The following CNTN1 variants were observed in gnomAD, a reference collection of about 807,000 sequenced individuals.
CNTN1 encodes contactin 1, also known as contactin-1.
CNTN1 carries 38 observed loss-of-function variants against 126.4 expected under a neutral mutation model. That is an observed-to-expected ratio of 0.30 (90% CI 0.23 to 0.39). The LOEUF is 0.39. CNTN1 is among the 10% of genes least tolerant of loss of function. CNTN1 has a pLI of 1.00. For synonymous variants in CNTN1, 413 were observed against 422.6 expected, an observed-to-expected ratio of 0.98 and a Z score of 0.28; for missense variants, 1,009 against 1,248.4, an observed-to-expected ratio of 0.81 and a Z score of 2.89.
intron 23 of CNTN1, among the ~76,000 whole-genome samples, chr12:41,056,560 A>T (rs1326363962): frequency 1.3e-5 from 2 of 152,144 alleles, no homozygotes; most frequent in East Asian, 3.9e-4. Context: ...CAGAATAAAT[A>T]GTGAATGCCA....
At chr12:40,779,320 C>T (rs1423909156) in intron 1 of CNTN1, among the ~76,000 whole-genome samples, 16 of 151,828 alleles carry the variant, frequency 1.1e-4, no homozygotes, top group Non-Finnish European at 2.9e-5. Context: ...TGTGCTACTT[C>T]TCATTCTTAA....
intron 1 of CNTN1, among the ~76,000 whole-genome samples, chr12:40,875,041 G>C (rs974184057): frequency 6.6e-6 from 1 of 152,124 alleles, no homozygotes; most frequent in Non-Finnish European, 1.5e-5. Context: ...GTATATACAA[G>C]AGTGCTCTAG....
Position 41,062,710 on chromosome 12 carries a change from T to G in CNTN1, c.2981-7249T>G, listed in dbSNP as rs137877052. Among the ~76,000 whole-genome samples, 603 of 152,330 alleles carry G rather than the reference T, an allele frequency of 4.0e-3. 7 individuals carry two copies. Among genetic ancestry groups the G allele is most frequent in the African/African-American group, 0.014 (579 of 41,584 alleles). ...ATTCAAGGAAGTAAATGGGACTGCATGAATTTTTTAAAATTATCATTGTCA... is the reference window on the plus strand; with the variant it reads ...ATTCAAGGAAGTAAATGGGACTGCAGGAATTTTTTAAAATTATCATTGTCA... On this transcript the variant is annotated intron_variant, in intron 23 of 23. Coordinates refer to ENST00000551295, the MANE Select transcript of CNTN1 (RefSeq NM_001843.4).
intron 1 of CNTN1, among the ~76,000 whole-genome samples, chr12:40,747,201 GT>G (rs1938219256): frequency 1.3e-5 from 2 of 151,966 alleles, no homozygotes; most frequent in Admixed American, 6.6e-5. Context: ...TGGGTGCATA[GT>G]TTACAAATGA....
intron 16 of CNTN1, among the ~76,000 whole-genome samples, chr12:40,982,269 T>A (rs35068475): frequency 0.033 from 5,084 of 152,248 alleles, 109 homozygotes; most frequent in Middle Eastern, 0.11. Flanking sequence ...CTTGACAAAA[T>A]CAGATCATCT....
rs138894103 is a variant in CNTN1 at position 40,800,135 on chromosome 12, G to C, written c.-77+107543G>C. Among the ~76,000 whole-genome samples, 1,039 of 152,020 alleles carry C rather than the reference G, an allele frequency of 6.8e-3. 11 individuals carry two copies. The highest frequency in any genetic ancestry group is 0.01 in the Non-Finnish European group (699 of 67,928). ...GGGTGGGACCAGGTGGAGGTAATTG[G>C]ATCATGGGGGTGGTTTTCCTCATGC... On this transcript the variant is annotated intron_variant, in intron 1 of 23. Transcript: ENST00000551295.
At chr12:40,876,559 A>ATT (rs1353943499) in intron 1 of CNTN1, among the ~76,000 whole-genome samples, 2 of 152,118 alleles carry the variant, frequency 1.3e-5, no homozygotes, top group African/African-American at 4.8e-5. Flanking sequence ...TTTTTAGGAT[A>ATT]CTAGAGCCAA....
chr12:40,816,449 T>C (rs112286798), intron 1 of CNTN1, among the ~76,000 whole-genome samples: 5,148 of 152,298 alleles, frequency 0.034, 121 homozygotes, highest in Middle Eastern at 0.11. Context: ...GAGGTGTTTT[T>C]ATTATTCTCT....
chr12:40,710,539 G>A (rs867097252), intron 1 of CNTN1, among the ~76,000 whole-genome samples: 1 of 152,142 alleles, frequency 6.6e-6, no homozygotes, highest in Non-Finnish European at 1.5e-5. Context: ...ACACACGGTT[G>A]CCACAAAACT....
intron 16 of CNTN1, among the ~76,000 whole-genome samples, chr12:40,984,892 T>C (rs984066464): frequency 1.3e-5 from 2 of 152,128 alleles, no homozygotes; most frequent in African/African-American, 4.8e-5. Context: ...TATATAGTTT[T>C]CTACAATTAC....
chr12:40,882,847 T>A (rs1394360072), intron 1 of CNTN1, among the ~76,000 whole-genome samples: 1 of 151,662 alleles, frequency 6.6e-6, no homozygotes, highest in Non-Finnish European at 1.5e-5. Context: ...TAAAATTATT[T>A]TTTTTCTTAC....
Position 41,070,623 on chromosome 12 carries a change from A to G in CNTN1, c.*588A>G, listed in dbSNP as rs547096963. On this transcript the variant is annotated 3_prime_UTR_variant, in exon 24 of 24. Transcript: ENST00000551295. The stretch of plus-strand genomic sequence containing the variant: ...TCAAATCATGAGTTGAAAGATTTTG[A>G]CTATTGAAAACCAAATTCTAGAACT... The G allele has an allele frequency of 6.6e-6, 1 of 152,608 alleles. No individual in the cohort carries two copies. Among genetic ancestry groups the G allele is most frequent in the South Asian group, 2.1e-4 (1 of 4,850 alleles). 9.5% of individuals were successfully genotyped at this position (152,608 alleles called of 1,614,324 possible).
At chr12:40,944,385 ATCAATTAATATTAATTGGGCT>A (rs1311295224) in intron 14 of CNTN1, among the ~76,000 whole-genome samples, 1 of 152,008 alleles carries the variant, frequency 6.6e-6, no homozygotes, top group Non-Finnish European at 1.5e-5. Context: ...ATAAATATTA[ATCAATTAATATTAATTGGGCT>A]TTAGGTATGA....
chr12:40,798,419 C>T (rs1444235213), intron 1 of CNTN1, among the ~76,000 whole-genome samples: 2 of 151,934 alleles, frequency 1.3e-5, no homozygotes, highest in Non-Finnish European at 2.9e-5. Flanking sequence ...AACAAAGCTG[C>T]ACAAATTCAT....
intron 19 of CNTN1, among the ~76,000 whole-genome samples, chr12:41,019,638 T>C (rs989028562): frequency 6.6e-6 from 1 of 152,218 alleles, no homozygotes; most frequent in African/African-American, 2.4e-5. Flanking sequence ...TTACTTTTTT[T>C]CTGTGAACAG....
chr12:41,055,481 A>G (rs1197887430), intron 23 of CNTN1, among the ~76,000 whole-genome samples: 1 of 151,904 alleles, frequency 6.6e-6, no homozygotes, highest in African/African-American at 2.4e-5. Flanking sequence ...TGCTCCCCTC[A>G]TATCTTTGGC....
intron 1 of CNTN1, among the ~76,000 whole-genome samples, chr12:40,792,494 G>A (rs1337886100): frequency 1.3e-4 from 2 of 15,286 alleles, no homozygotes; most frequent in Non-Finnish European, 7.0e-4. Context: ...ACATGTAAAA[G>A]GAGGTAATGA....
chr12:40,934,959 T>A (rs958933781), intron 9 of CNTN1, among the ~76,000 whole-genome samples: 6 of 152,104 alleles, frequency 3.9e-5, no homozygotes, highest in Non-Finnish European at 7.4e-5. Context: ...TACTTTGTTA[T>A]TAATTTCCTT....
At chr12:40,775,312 G>T (rs1220524943) in intron 1 of CNTN1, among the ~76,000 whole-genome samples, 1 of 151,176 alleles carries the variant, frequency 6.6e-6, no homozygotes, top group African/African-American at 2.4e-5. Flanking sequence ...TAATATAAAT[G>T]AATTATATAT....
Sources: allele counts gnomAD v4.1 joint callset (sites outside exome capture counted in the v4.1 genomes callset), GRCh38; gene constraint gnomAD v4.1.1; transcripts MANE v1.5; gene names NCBI Gene and HGNC (gene_info 2026-07-23, HGNC 2026-07-21).